PDE4D: variants seen among roughly 807,000 people sequenced by gnomAD.
The protein encoded by PDE4D is 3',5'-cyclic-AMP phosphodiesterase 4D.
PDE4D carries 24 observed loss-of-function variants against 87.4 expected under a neutral mutation model. That is an observed-to-expected ratio of 0.27 (90% confidence interval 0.20 to 0.39). The LOEUF (loss-of-function observed/expected upper bound fraction) is 0.39, where lower values mean the gene tolerates loss of function less well. PDE4D is among the 10% of genes least tolerant of loss of function. The pLI is 1.00. For synonymous variants in PDE4D, 384 were observed against 383.2 expected, an observed-to-expected ratio of 1.00 and a Z score of -0.02; for missense variants, 714 against 1,041.0, an observed-to-expected ratio of 0.69 and a Z score of 4.32.
In PDE4D at chr5:59,258,690, CAT is replaced by C. The variant is rs540378166; in HGVS notation, c.456-42724_456-42723del. On this transcript the variant is annotated intron_variant, in intron 1 of 14. Transcript: ENST00000340635. ...CATATATTATATATCATATAGATAA[CAT>C]ATATATAATCATATATCATATCATA... is the stretch of plus-strand genomic sequence containing the variant. Among the ~76,000 whole-genome samples, 759 of 147,868 alleles carry C rather than the reference CAT, an allele frequency of 5.1e-3. 7 individuals carry two copies. Among genetic ancestry groups the C allele is most frequent in the African/African-American group, 0.017 (710 of 40,678 alleles).
chr5:60,119,260 A>G (rs544915945), intron 2 of PDE4D, among the ~76,000 whole-genome samples: 14 of 152,186 alleles, frequency 9.2e-5, no homozygotes, highest in Non-Finnish European at 1.6e-4. Context: ...ACTATGATGG[A>G]CACTATTCAT....
chr5:59,188,519 A>C (rs1428687656), intron 3 of PDE4D, among the ~76,000 whole-genome samples: 1 of 152,222 alleles, frequency 6.6e-6, no homozygotes, highest in African/African-American at 2.4e-5. Context: ...TACGGTTATC[A>C]TTTAACACTT....
At chr5:59,385,746 C>A (rs916300497) in intron 1 of PDE4D, among the ~76,000 whole-genome samples, 7 of 152,182 alleles carry the variant, frequency 4.6e-5, no homozygotes, top group African/African-American at 7.2e-5. Flanking sequence ...GAAACCCCAA[C>A]TGAACCAGAA....
At chr5:59,271,997 A>G (rs1385218578) in intron 1 of PDE4D, among the ~76,000 whole-genome samples, 1 of 151,882 alleles carries the variant, frequency 6.6e-6, no homozygotes, top group East Asian at 1.9e-4. Context: ...TACAAACCTA[A>G]GTATTACATG....
chr5:59,064,182 C>T (rs113327194), intron 5 of PDE4D, among the ~76,000 whole-genome samples: 2,446 of 152,104 alleles, frequency 0.016, 28 homozygotes, highest in South Asian at 0.041. Context: ...AAGACACTGA[C>T]AAAGTCTGGA....
intron 1 of PDE4D, among the ~76,000 whole-genome samples, chr5:59,556,873 G>A (rs978393567): frequency 1.3e-5 from 2 of 152,092 alleles, no homozygotes; most frequent in Admixed American, 6.5e-5. Context: ...ATGGAAGGGA[G>A]GAAGGGAAGG....
At chr5:59,200,604 TGTACAGATACACGTATACATACAC>T (rs1303044755) in intron 2 of PDE4D, among the ~76,000 whole-genome samples, 1 of 131,906 alleles carries the variant, frequency 7.6e-6, no homozygotes, top group East Asian at 3.3e-4. Flanking sequence ...TACACGTGTA[TGTACAGATACACGTATACATACAC>T]GTGTATGTAC....
chr5:59,167,006 T>A (rs1275840266), intron 5 of PDE4D, among the ~76,000 whole-genome samples: 7 of 152,212 alleles, frequency 4.6e-5, no homozygotes, highest in Non-Finnish European at 1.0e-4. Context: ...TTCAACATAT[T>A]AAGCACTTTC....
At chr5:59,983,551 G>C (rs906744182) in intron 3 of PDE4D, among the ~76,000 whole-genome samples, 10 of 152,112 alleles carry the variant, frequency 6.6e-5, no homozygotes, top group African/African-American at 2.2e-4. Flanking sequence ...ACAAATGTCT[G>C]AATGGTCATA....
intron 3 of PDE4D, among the ~76,000 whole-genome samples, chr5:59,969,708 T>C (rs1760485581): frequency 1.3e-5 from 2 of 152,178 alleles, no homozygotes; most frequent in South Asian, 2.1e-4. Context: ...TAGTGAGTTC[T>C]CATGAGAGCT....
intron 1 of PDE4D, among the ~76,000 whole-genome samples, chr5:60,199,216 T>C (rs775644693): frequency 4.0e-5 from 6 of 151,700 alleles, no homozygotes; most frequent in Non-Finnish European, 7.4e-5. Context: ...CCAAGCTTCA[T>C]AGCAAATTCA....
chr5:59,690,931 A>G (rs560077126), intron 1 of PDE4D, among the ~76,000 whole-genome samples: 1 of 152,350 alleles, frequency 6.6e-6, no homozygotes, highest in East Asian at 1.9e-4. Context: ...ACACTTCTCA[A>G]AAGAAGACAT....
chr5:60,320,449 C>T (rs528370274), intron 1 of PDE4D, among the ~76,000 whole-genome samples: 31 of 152,300 alleles, frequency 2.0e-4, no homozygotes, highest in South Asian at 8.3e-4. Context: ...TGATGCCTCG[C>T]CCTGCTTTGG....
chr5:59,063,854 A>G (rs945063212), intron 5 of PDE4D, among the ~76,000 whole-genome samples: 1 of 152,152 alleles, frequency 6.6e-6, no homozygotes, highest in Admixed American at 6.6e-5. Context: ...AAAGTTAAAG[A>G]TGAGTGAAAA....
intron 5 of PDE4D, among the ~76,000 whole-genome samples, chr5:59,084,634 C>A (rs998156614): frequency 6.6e-5 from 10 of 151,964 alleles, no homozygotes; most frequent in Non-Finnish European, 1.5e-5. Context: ...CACCTGTAAT[C>A]CCAGCACTTC....
intron 3 of PDE4D, among the ~76,000 whole-genome samples, chr5:59,940,937 C>T (rs1757109654): frequency 6.6e-6 from 1 of 152,134 alleles, no homozygotes; most frequent in Non-Finnish European, 1.5e-5. Flanking sequence ...TAGTTTCTGC[C>T]ATCTGGTTCT....
At chr5:59,379,870 C>T (rs778905006) in intron 1 of PDE4D, among the ~76,000 whole-genome samples, 50 of 151,914 alleles carry the variant, frequency 3.3e-4, no homozygotes, top group Non-Finnish European at 6.6e-4. Context: ...GCTACATGTA[C>T]AGGTTTGTTA....
At chr5:60,330,334 C>G (rs574912923) in intron 1 of PDE4D, among the ~76,000 whole-genome samples, 2 of 152,260 alleles carry the variant, frequency 1.3e-5, no homozygotes, top group South Asian at 4.1e-4. Context: ...AATGAGCCTA[C>G]AGTTTAGCAA....
chr5:59,505,762 T>G (rs1809146514), intron 1 of PDE4D, among the ~76,000 whole-genome samples: 1 of 152,216 alleles, frequency 6.6e-6, no homozygotes, highest in Admixed American at 6.5e-5. Flanking sequence ...TTTACGTTGT[T>G]AAGACTATGA....
Sources: gnomAD v4.1 joint callset for allele counts (sites outside exome capture counted in the v4.1 genomes callset) on GRCh38, gnomAD v4.1.1 for gene constraint, MANE v1.5 for transcripts, NCBI Gene and HGNC (gene_info 2026-07-23, HGNC 2026-07-21) for gene names.